USP36: variants seen among roughly 807,000 people sequenced by gnomAD.
USP36 encodes ubiquitin specific peptidase 36.
In USP36, 59 loss-of-function variants were observed where a neutral mutation model predicts 111.5. The ratio of observed to expected loss-of-function variants is 0.53; its 90% confidence interval spans 0.43 to 0.66. The LOEUF (loss-of-function observed/expected upper bound fraction) is 0.66. Among genes scored for constraint, USP36 ranks in the 30% least tolerant of loss-of-function variants. The pLI is 0.00. For synonymous variants in USP36, 628 were observed against 581.0 expected, an observed-to-expected ratio of 1.08 and a Z score of -1.16; for missense variants, 1,488 against 1,468.0, an observed-to-expected ratio of 1.01 and a Z score of -0.22.
rs143011665 is a variant in USP36 at position 78,802,330 on chromosome 17, G to A, written c.3016C>T (p.Arg1006Cys). 1,089 of 1,576,782 alleles carry A rather than the reference G, an allele frequency of 6.9e-4. 4 individuals carry two copies. In the African/African-American group the frequency reaches 8.4e-3, roughly 12 times the overall value. Residue 1006 changes from arginine (R) to cysteine (C), a missense_variant, in exon 17 of 21, where the codon CGC becomes TGC. By Grantham distance (180) the Arg-to-Cys change is radical. Around this residue, in one of 3 missense-constraint regions of USP36, gnomAD observed 1,073 missense variants for 994.1 expected, o/e 1.08. Transcript: ENST00000449938. ...PSANGWCPGDRMGLSQAPPVS... is the reference protein window; with the variant it reads ...PSANGWCPGDCMGLSQAPPVS... The stretch of plus-strand genomic sequence containing the variant: ...CCCCTCGCCCGGTGCATACCCATGC[G>A]GTCCCCAGGACACCAGCCATTCGCG...
At chr17:78,835,626 G>T in intron 3 of USP36, 125 bp from the exon 4 acceptor site, 1 of 960,708 alleles carries the variant, frequency 1.0e-6, no homozygotes, top group Non-Finnish European at 1.5e-6. Context: ...CACCAGAGAA[G>T]AACTGGTGTT....
At position 78,811,437 on chromosome 17, in the gene USP36, G is replaced by A. The variant is rs184718750; in HGVS notation, c.1407+1423C>T. On this transcript the variant is annotated intron_variant, in intron 13 of 20. Transcript: ENST00000449938. The stretch of plus-strand genomic sequence containing the variant: ...TATTTCTGATCCATTTGAGTAAATT[G>A]CAGACATGATGTTCTTTTACCCCAA... Among the ~76,000 whole-genome samples, 219 of 152,218 alleles carry A rather than the reference G, an allele frequency of 1.4e-3. 2 individuals carry two copies. The highest frequency in any genetic ancestry group is 6.5e-4 in the Non-Finnish European group (44 of 68,028).
Position 78,795,978 on chromosome 17 carries a change from T to G in USP36, c.*1922A>C, listed in dbSNP as rs1454881292. On this transcript the variant is annotated 3_prime_UTR_variant, in exon 21 of 21. Transcript: ENST00000449938. The surrounding 1 kb of genome is among the most constrained non-coding windows in gnomAD (Gnocchi z 4.5). Reference sequence around the variant, plus strand: ...AGACCTAGAGTTTGAACTCGTTTTCTGGGCCTCATCTTTCCCTTCCCTATC... The same window carrying G: ...AGACCTAGAGTTTGAACTCGTTTTCGGGGCCTCATCTTTCCCTTCCCTATC... 6.6e-6 allele frequency: 1 copy of G among 152,252 alleles called. No individual in the cohort carries two copies. The highest frequency in any genetic ancestry group is 1.5e-5 in the Non-Finnish European group (1 of 68,044). The allele number at this position is 152,252 out of a possible 1,614,324, so 9.4% of individuals were successfully genotyped here. A position where few individuals can be genotyped will look rare whatever the true frequency, so the allele number is the denominator to read the frequency against.
rs969048033 is a variant in USP36 at position 78,811,130 on chromosome 17, C to CAAAAA, written c.1407+1725_1407+1729dup. ...TCAGTGACAGAGCGAGACTCTGTCT[C>CAAAAA]AAAAAAAAAAAAAAAAAAAAAAAAA... On this transcript the variant is annotated intron_variant, in intron 13 of 20. Transcript: ENST00000449938. Among the ~76,000 whole-genome samples the CAAAAA allele has an allele frequency of 3.3e-3, 94 of 28,320 alleles. 1 individual carries two copies. The highest frequency in any genetic ancestry group is 8.4e-3 in the African/African-American group (65 of 7,746). The allele number at this position is 28,320 out of a possible 152,430, so 18.6% of individuals were successfully genotyped here.
In USP36 at chr17:78,803,436, G is replaced by A. The variant is rs776054280; in HGVS notation, c.2759C>T (p.Ala920Val). 1.9e-6 allele frequency: 3 copies of A among 1,614,094 alleles called. No homozygotes were observed. Among genetic ancestry groups the A allele is most frequent in the Non-Finnish European group, 2.5e-6 (3 of 1,180,036 alleles). Residue 920 changes from alanine to valine, a missense_variant, in exon 16 of 21, where the codon GCA (alanine) becomes GTA (valine). Ala to Val is a moderately conservative substitution (Grantham distance 64). Coordinates refer to ENST00000449938, the MANE Select transcript of USP36 (RefSeq NM_001385174.1). This position sits in a 1 kb window ranked among gnomAD's most constrained non-coding sequence, Gnocchi z 4.6. The part of the protein sequence containing the change: ...ASSRKRRRKG[A>V]EGLGEEGGLH... ...GCCGCCTTCTTCACCAAGACCTTCT[G>A]CTCCTTTCCTCCTCCGCTTCCTGCT...
chr17:78,815,889 AAC>A (rs1491588301), intron 10 of USP36, among the ~76,000 whole-genome samples: 3 of 152,134 alleles, frequency 2.0e-5, no homozygotes, highest in African/African-American at 4.8e-5. Flanking sequence ...ATACATGCAC[AAC>A]ACATACATGC....
intron 13 of USP36, among the ~76,000 whole-genome samples, chr17:78,812,596 A>C (rs2094089288): frequency 1.4e-5 from 2 of 147,992 alleles, no homozygotes; most frequent in African/African-American, 4.9e-5. Flanking sequence ...AGGCTGAGGC[A>C]GGAGAATGGC....
At chr17:78,819,894 G>A in intron 9 of USP36, 36 bp downstream of exon 9, 2 of 1,601,924 alleles carry the variant, frequency 1.2e-6, no homozygotes, top group Non-Finnish European at 1.7e-6. Flanking sequence ...TTCCCGTCTG[G>A]TATCAGTCTT....
In USP36 at chr17:78,803,278, C is replaced by T. The variant is rs1049751054; in HGVS notation, c.2810+107G>A. 52 of 1,271,666 alleles carry T rather than the reference C, an allele frequency of 4.1e-5. No individual in the cohort carries two copies. Among genetic ancestry groups the T allele is most frequent in the African/African-American group, 1.8e-4 (12 of 67,014 alleles). 78.8% of individuals were successfully genotyped at this position (1,271,666 alleles called of 1,614,324 possible). ...CACAAATCCACATTTTAGAAAACCA[C>T]GCAAGCAGACTACGTTTCCAGACCA... is the stretch of plus-strand genomic sequence containing the variant. On this transcript the variant is annotated intron_variant, in intron 16 of 20. Coordinates refer to ENST00000449938, the MANE Select transcript of USP36 (RefSeq NM_001385174.1). This position sits in a 1 kb window ranked among gnomAD's most constrained non-coding sequence, Gnocchi z 4.6.
intron 10 of USP36, among the ~76,000 whole-genome samples, chr17:78,816,238 T>C (rs769916559): frequency 6.6e-6 from 1 of 152,012 alleles, no homozygotes; most frequent in Non-Finnish European, 1.5e-5. Flanking sequence ...TAGCTCACTG[T>C]AACTTCAAAC....
intron 10 of USP36, among the ~76,000 whole-genome samples, chr17:78,815,860 T>C (rs1400881663): frequency 2.0e-5 from 3 of 151,952 alleles, no homozygotes; most frequent in African/African-American, 4.8e-5. Flanking sequence ...TATGCATGCA[T>C]ACACATGTAC....
At chr17:78,805,552 C>A (rs1005342233) in intron 15 of USP36, among the ~76,000 whole-genome samples, 1 of 152,160 alleles carries the variant, frequency 6.6e-6, no homozygotes. Context: ...CCACTCCCAG[C>A]GGCTTCCAGA....
chr17:78,802,888 A>G (rs2093790845), intron 16 of USP36, among the ~76,000 whole-genome samples: 1 of 152,180 alleles, frequency 6.6e-6, no homozygotes, highest in Non-Finnish European at 1.5e-5. Flanking sequence ...TACTGTCCAC[A>G]CCACTGTCGC....
At position 78,838,707 on chromosome 17, in the gene USP36, T is replaced by G. The variant is rs2068949456; in HGVS notation, c.-130A>C. ...CTCCTGAATGTAAGCGCTCCTGGAC[T>G]GTGGCCTGTTCAAACACCGAAGCCG... is the stretch of plus-strand genomic sequence containing the variant. On this transcript the variant is annotated 5_prime_UTR_variant, in exon 2 of 21. Coordinates refer to ENST00000449938, the MANE Select transcript of USP36 (RefSeq NM_001385174.1). 6.6e-6 allele frequency: 1 copy of G among 152,272 alleles called. No individual in the cohort carries two copies. Among genetic ancestry groups the G allele is most frequent in the Admixed American group, 6.5e-5 (1 of 15,274 alleles). The allele number at this position is 152,272 out of a possible 1,614,324, so 9.4% of individuals were successfully genotyped here. A position where few individuals can be genotyped will look rare whatever the true frequency, so the allele number is the denominator to read the frequency against.
At chr17:78,811,494 G>C (rs2094054612) in intron 13 of USP36, among the ~76,000 whole-genome samples, 1 of 152,116 alleles carries the variant, frequency 6.6e-6, no homozygotes, top group Non-Finnish European at 1.5e-5. Flanking sequence ...AAAGAACAAA[G>C]ACACTCTCTT....
chr17:78,814,449 T>G lies in USP36; in HGVS notation c.1127A>C (p.Tyr376Ser), dbSNP rs779422397. The change falls in exon 11 of 21, where the codon TAC (tyrosine) becomes TCC (serine). Residue 376 changes from tyrosine (Y) to serine (S), a missense_variant. Around this residue, in one of 3 missense-constraint regions of USP36, gnomAD observed 1,073 missense variants for 994.1 expected, o/e 1.08. Coordinates refer to ENST00000449938, the MANE Select transcript of USP36 (RefSeq NM_001385174.1). Reference protein sequence around the residue: ...GLYAVLVHSGYSCHAGHYYCY... With the variant: ...GLYAVLVHSGSSCHAGHYYCY... The stretch of plus-strand genomic sequence containing the variant: ...GTAATAGTGCCCGGCATGGCAGCTG[T>G]AGCCCGAGTGCACCAGGACAGCATA... The G allele has an allele frequency of 1.9e-6, 3 of 1,614,186 alleles. No individual in the cohort carries two copies. The South Asian group carries it at 3.3e-5, about 18-fold the overall frequency.
chr17:78,807,303 T>C lies in USP36; in HGVS notation c.1741A>G (p.Thr581Ala), dbSNP rs777422484. ...SWDSRDVVLS[T>A]SPKLLATATA... ...GCTGTAGCCAGGAGCTTAGGTGAGG[T>C]AGAGAGGACAACATCCCTGCTGTCC... The change falls in exon 14 of 21, where the codon ACC becomes GCC. Residue 581 changes from threonine (T) to alanine (A), a missense_variant. This residue lies in a region of USP36 where 1,073 missense variants were observed against 994.1 expected (regional missense o/e 1.08). Coordinates refer to ENST00000449938, the MANE Select transcript of USP36 (RefSeq NM_001385174.1). 6.2e-7 allele frequency: 1 copy of C among 1,614,022 alleles called. No homozygotes were observed. The highest frequency in any genetic ancestry group is 8.5e-7 in the Non-Finnish European group (1 of 1,180,000).
chr17:78,799,857 T>A, intron 17 of USP36, 89 bp from the exon 18 acceptor site: 1 of 598,994 alleles, frequency 1.7e-6, no homozygotes, highest in Non-Finnish European at 2.7e-6. Context: ...TAAAACAACT[T>A]ACAGTAAGTG....
chr17:78,789,036 A>AG (rs2093559616), intron 3 of USP36, among the ~76,000 whole-genome samples: 1 of 102,996 alleles, frequency 9.7e-6, no homozygotes, highest in South Asian at 3.2e-4. Context: ...CGTCTCTATT[A>AG]AAATATGAAA....
Sources: gnomAD v4.1 joint callset for allele counts (sites outside exome capture counted in the v4.1 genomes callset) on GRCh38, gnomAD v4.1.1 for gene constraint, gnomAD v4.1.1 regional missense constraint, Gnocchi (gnomAD v3.1) non-coding constraint, MANE v1.5 for transcripts, NCBI Gene and HGNC (gene_info 2026-07-23, HGNC 2026-07-21) for gene names.